The following MINDY2 variants were observed in gnomAD, a reference collection of about 807,000 sequenced individuals.
MINDY2 encodes the protein ubiquitin carboxyl-terminal hydrolase MINDY-2.
In MINDY2, 52 loss-of-function variants were observed where a neutral mutation model predicts 68.2. The observed-to-expected ratio is 0.76, with a 90% CI of 0.61 to 0.96. MINDY2 has a LOEUF of 0.96. Among genes scored for constraint, MINDY2 ranks in the 40% least tolerant of loss-of-function variants. The probability of loss-of-function intolerance (pLI) is 0.00; values close to 1 mark genes in which losing one functional copy is unlikely to be tolerated. For missense variants in MINDY2, 881 were observed against 773.4 expected, an observed-to-expected ratio of 1.14 and a Z score of -1.65; for synonymous variants, 372 against 303.0, an observed-to-expected ratio of 1.23 and a Z score of -2.36.
At chr15:58,774,424 C>T (rs1329056765) in intron 1 of MINDY2, among the ~76,000 whole-genome samples, 1 of 141,784 alleles carries the variant, frequency 7.1e-6, no homozygotes, top group Admixed American at 7.6e-5. Flanking sequence ...GTGGAGGTTG[C>T]GGTTAGCCGA....
intron 6 of MINDY2, among the ~76,000 whole-genome samples, chr15:58,846,007 CT>C (rs1439769177): frequency 6.6e-6 from 1 of 151,162 alleles, no homozygotes; most frequent in Non-Finnish European, 1.5e-5. Flanking sequence ...AACAATTGAG[CT>C]CCTGGAGATA....
chr15:58,772,001 T>A lies in MINDY2; in HGVS notation c.606T>A (p.Pro202=), dbSNP rs372782386. 141 of 1,591,392 alleles carry A rather than the reference T, an allele frequency of 8.9e-5. No homozygotes were observed. The highest frequency in any genetic ancestry group is 1.2e-4 in the Non-Finnish European group (138 of 1,169,748). The change falls in exon 1 of 9, where the codon CCT becomes CCA. Residue 202 remains proline, a synonymous_variant. Coordinates refer to ENST00000559228, the MANE Select transcript of MINDY2 (RefSeq NM_001040450.3). ...AGGAGGGAGCGGAGAACAGGGTCCC[T>A]GAGGAGGAGGAGGGCGCGGCGGTGT... ...NSEEGAENRV[P]EEEEGAAVLP... is the part of the protein sequence containing the mutation.
rs772005974 is a variant in MINDY2, at chr15:58,851,972, A to G, written c.1737+7A>G. The G allele has an allele frequency of 6.4e-7, 1 of 1,570,528 alleles. No individual in the cohort carries two copies. The highest frequency in any genetic ancestry group is 2.3e-5 in the East Asian group (1 of 43,856). ...TGCTTCTACACAGGCTCAGGTAAAA[A>G]CTAGTGTTTTGAGTCTTAAATGTGA... On this transcript the variant is annotated splice_region_variant and intron_variant, in intron 8 of 8. Transcript: ENST00000559228.
intron 8 of MINDY2, among the ~76,000 whole-genome samples, chr15:58,853,818 A>AT (rs1491125200): frequency 1.5e-4 from 10 of 68,772 alleles, no homozygotes; most frequent in African/African-American, 3.4e-4. Context: ...CTCCATCTCA[A>AT]TAAAAAAAAA....
intron 6 of MINDY2, among the ~76,000 whole-genome samples, chr15:58,846,038 C>T (rs886379126): frequency 6.7e-6 from 1 of 149,160 alleles, no homozygotes; most frequent in Non-Finnish European, 1.5e-5. Flanking sequence ...ATGATGGTTA[C>T]CAGAGGCTGG....
Position 58,776,347 on chromosome 15 carries a change from G to A in MINDY2, c.840+4112G>A, listed in dbSNP as rs148146060. Among the ~76,000 whole-genome samples the A allele has an allele frequency of 6.9e-3, 1,044 of 152,172 alleles. 12 individuals carry two copies. The highest frequency in any genetic ancestry group is 0.024 in the African/African-American group (984 of 41,520). ...TCTCCTCCCCTACCTCATTCTCCAG[G>A]AGACAGAGAGAAAACAGAGGAATAA... On this transcript the variant is annotated intron_variant, in intron 1 of 8. Coordinates refer to ENST00000559228, the MANE Select transcript of MINDY2 (RefSeq NM_001040450.3).
At chr15:58,772,345 C>T (rs1312628939) in intron 1 of MINDY2, 110 bp downstream of exon 1, 3 of 1,456,188 alleles carry the variant, frequency 2.1e-6, no homozygotes, top group Admixed American at 2.1e-5. Flanking sequence ...ATTCATCAGT[C>T]CCCTTCTTAC....
intron 2 of MINDY2, among the ~76,000 whole-genome samples, chr15:58,792,364 T>C (rs1193981087): frequency 6.6e-6 from 1 of 152,192 alleles, no homozygotes; most frequent in Non-Finnish European, 1.5e-5. Context: ...TCCCAGCATT[T>C]TGGGAGGCCA....
chr15:58,806,488 G>C (rs868060431), intron 3 of MINDY2, among the ~76,000 whole-genome samples: 1 of 151,612 alleles, frequency 6.6e-6, no homozygotes, highest in Non-Finnish European at 1.5e-5. Context: ...CTCCCAAAGT[G>C]CTGGGATTAC....
At chr15:58,851,568 A>G (rs2032814939) in intron 7 of MINDY2, among the ~76,000 whole-genome samples, 1 of 151,904 alleles carries the variant, frequency 6.6e-6, no homozygotes, top group Non-Finnish European at 1.5e-5. Flanking sequence ...CCTCCCAAGT[A>G]GCTAGGACTA....
intron 4 of MINDY2, among the ~76,000 whole-genome samples, chr15:58,818,500 C>A (rs952942793): frequency 6.6e-6 from 1 of 152,080 alleles, no homozygotes; most frequent in Non-Finnish European, 1.5e-5. Context: ...AAGCCGTCCT[C>A]CCCTGCTAGC....
chr15:58,807,353 CTTTTT>C (rs58768604), intron 3 of MINDY2, among the ~76,000 whole-genome samples: 1 of 109,056 alleles, frequency 9.2e-6, no homozygotes, highest in African/African-American at 3.7e-5. Flanking sequence ...TTAAAATAGT[CTTTTT>C]TTTTTTTTTT....
chr15:58,847,194 T>A, intron 6 of MINDY2, 103 bp from the exon 7 acceptor site: 1 of 884,700 alleles, frequency 1.1e-6, no homozygotes, highest in South Asian at 2.3e-5. Context: ...GTAGGAATGT[T>A]TAATATATTC....
Position 58,830,201 on chromosome 15 carries a change from A to C in MINDY2, c.1226-1573A>C, listed in dbSNP as rs1277202881. Among the ~76,000 whole-genome samples the C allele has an allele frequency of 2.6e-5, 4 of 152,302 alleles. No homozygotes were observed. The East Asian group carries it at 5.8e-4, about 22-fold the overall frequency. On this transcript the variant is annotated intron_variant, in intron 5 of 8. Transcript: ENST00000559228. ...ACACTGAATTAGTGAATGCTGAACC[A>C]CTGTCCCTAGGATAAATATGAGTGA...
intron 4 of MINDY2, among the ~76,000 whole-genome samples, chr15:58,816,146 G>A (rs1478458010): frequency 6.6e-6 from 1 of 152,192 alleles, no homozygotes; most frequent in Non-Finnish European, 1.5e-5. Flanking sequence ...GGAAACCAGA[G>A]ATCATAATAG....
At chr15:58,810,518 G>A in intron 4 of MINDY2, 130 bp downstream of exon 4, 1 of 874,374 alleles carries the variant, frequency 1.1e-6, no homozygotes, top group Non-Finnish European at 1.7e-6. Flanking sequence ...GCCAAACTAT[G>A]AGGTTAAGAA....
At chr15:58,800,756 T>C (rs1902585402) in intron 2 of MINDY2, among the ~76,000 whole-genome samples, 1 of 146,110 alleles carries the variant, frequency 6.8e-6, no homozygotes, top group Non-Finnish European at 1.5e-5. Flanking sequence ...ATCACCTGAG[T>C]CTAGGGAGGT....
At chr15:58,801,853 G>C (rs1183089036) in intron 2 of MINDY2, among the ~76,000 whole-genome samples, 8 of 152,130 alleles carry the variant, frequency 5.3e-5, no homozygotes, top group Admixed American at 3.9e-4. Flanking sequence ...CCTGACCTCA[G>C]ATGATCCACC....
At chr15:58,821,675 C>T (rs2031067955) in intron 4 of MINDY2, 42 bp from the exon 5 acceptor site, 1 of 1,255,862 alleles carries the variant, frequency 8.0e-7, no homozygotes, top group Non-Finnish European at 1.1e-6. Context: ...TGTTTTGTTC[C>T]TAATCTTACC....
Sources: gnomAD v4.1 joint callset for allele counts (sites outside exome capture counted in the v4.1 genomes callset) on GRCh38, gnomAD v4.1.1 for gene constraint, MANE v1.5 for transcripts, NCBI Gene and HGNC (gene_info 2026-07-23, HGNC 2026-07-21) for gene names.